Variants in PCDHGB5 observed in about 807,000 individuals in gnomAD.
PCDHGB5 encodes the protein protocadherin gamma-B5.
Under a neutral mutation model 62.9 loss-of-function variants are expected in PCDHGB5, and 48 were observed. That is an observed-to-expected ratio of 0.76 (90% confidence interval 0.61 to 0.97). The LOEUF is 0.97. Ranked by LOEUF, PCDHGB5 falls within the 50% of genes least tolerant of loss-of-function variation. The pLI is 0.00. For missense variants in PCDHGB5, 1,118 were observed against 1,198.6 expected (o/e 0.93, Z 0.99); for synonymous variants, 474 against 511.2 (o/e 0.93, Z 0.98).
In PCDHGB5 at chr5:141,432,171, T is replaced by C. The variant is rs114326665; in HGVS notation, c.2397+31647T>C. On this transcript the variant is annotated intron_variant, in intron 1 of 3. Coordinates refer to ENST00000617380, the MANE Select transcript of PCDHGB5 (RefSeq NM_018925.3). This position sits in a 1 kb window ranked among gnomAD's most constrained non-coding sequence, Gnocchi z 6.0. ...GAGAACAATCCCAGAGGAGTTTCCC[T>C]CGTCTCTGTGACCGCCCACGACCCC... The C allele has an allele frequency of 4.4e-5, 71 of 1,614,046 alleles. No individual in the cohort carries two copies. In the African/African-American group the frequency reaches 8.5e-4, roughly 19 times the overall value.
intron 1 of PCDHGB5, among the ~76,000 whole-genome samples, chr5:141,492,170 C>A (rs1383768075): frequency 6.6e-6 from 1 of 152,226 alleles, no homozygotes; most frequent in Non-Finnish European, 1.5e-5. Context: ...ATCCCCGCAT[C>A]ACCCAACCGC....
chr5:141,422,580 C>T (rs1310564205), intron 1 of PCDHGB5: 10 of 1,613,934 alleles, frequency 6.2e-6, no homozygotes, highest in Non-Finnish European at 8.5e-6. Flanking sequence ...ATAACCCTCC[C>T]GTTTTTCCTC....
At chr5:141,459,694 T>A (rs767389870) in intron 1 of PCDHGB5, among the ~76,000 whole-genome samples, 1 of 152,252 alleles carries the variant, frequency 6.6e-6, no homozygotes, top group Non-Finnish European at 1.5e-5. Context: ...AGCGTTCCGC[T>A]TGCTACATTT....
At chr5:141,450,829 ATT>A (rs373424450) in intron 1 of PCDHGB5, among the ~76,000 whole-genome samples, 3 of 135,116 alleles carry the variant, frequency 2.2e-5, no homozygotes, top group African/African-American at 2.7e-5. Flanking sequence ...TATTATTATT[ATT>A]TTTTTTTTTT....
In PCDHGB5 at chr5:141,432,446, C is replaced by T. The variant is rs765059815; in HGVS notation, c.2397+31922C>T. The T allele has an allele frequency of 1.2e-6, 2 of 1,614,256 alleles. No individual in the cohort carries two copies. Among genetic ancestry groups the T allele is most frequent in the Non-Finnish European group, 8.5e-7 (1 of 1,180,052 alleles). On this transcript the variant is annotated intron_variant, in intron 1 of 3. Transcript: ENST00000617380. The surrounding 1 kb of genome is among the most constrained non-coding windows in gnomAD (Gnocchi z 6.0). ...CCAGAACGACAATGCGCCCGAGATC[C>T]TGTACCCCGCCCTCCCCACGGACGG...
chr5:141,428,190 T>C (rs1348507135), intron 1 of PCDHGB5: 2 of 1,429,918 alleles, frequency 1.4e-6, no homozygotes, highest in Non-Finnish European at 1.9e-6. Flanking sequence ...CAGCCGCCGC[T>C]CTCTGCGCCG....
chr5:141,410,287 C>T (rs1277233674), intron 1 of PCDHGB5: 1 of 1,614,018 alleles, frequency 6.2e-7, no homozygotes, highest in East Asian at 2.2e-5. Context: ...TGGTGGTGGC[C>T]TTGGCCTTAA....
rs746088761 is a variant in PCDHGB5 at position 141,404,246 on chromosome 5, CT to C, written c.2397+3723del. 9.3e-6 allele frequency: 15 copies of C among 1,613,922 alleles called. 1 individual carries two copies. The highest frequency in any genetic ancestry group is 5.0e-5 in the Admixed American group (3 of 60,012). Reference sequence around the variant, plus strand: ...TGCAACAGACAGAGGAACTCCGCCCCTGTCCACAGAAATTCACATCACCCTG... The same window carrying C: ...TGCAACAGACAGAGGAACTCCGCCCCGTCCACAGAAATTCACATCACCCTG... On this transcript the variant is annotated intron_variant, in intron 1 of 3. Coordinates refer to ENST00000617380, the MANE Select transcript of PCDHGB5 (RefSeq NM_018925.3).
At position 141,404,169 on chromosome 5, in the gene PCDHGB5, C is replaced by A; in HGVS notation, c.2397+3645C>A. On this transcript the variant is annotated intron_variant, in intron 1 of 3. Transcript: ENST00000617380. Reference sequence around the variant, plus strand: ...GAAGAAGATTATTACAGATTGTTGACGGCCCAAATTCTTGACCGAGAAAAA... The same window carrying A: ...GAAGAAGATTATTACAGATTGTTGAAGGCCCAAATTCTTGACCGAGAAAAA... 1 of 1,612,736 alleles carries A rather than the reference C, an allele frequency of 6.2e-7. No individual in the cohort carries two copies. The highest frequency in any genetic ancestry group is 8.5e-7 in the Non-Finnish European group (1 of 1,179,276).
In PCDHGB5 at chr5:141,433,837, CA is replaced by C. The variant is rs56191208; in HGVS notation, c.2397+33331del. ...GGGCAACAAGAGTGAAACTCTATCT[CA>C]AAAAAAAAAAAAAAAAACTTTATCC... On this transcript the variant is annotated intron_variant, in intron 1 of 3. Coordinates refer to ENST00000617380, the MANE Select transcript of PCDHGB5 (RefSeq NM_018925.3). Among the ~76,000 whole-genome samples, 895 of 111,670 alleles carry C rather than the reference CA, an allele frequency of 8.0e-3. 6 individuals carry two copies. Among genetic ancestry groups the C allele is most frequent in the South Asian group, 0.02 (67 of 3,288 alleles). The allele number at this position is 111,670 out of a possible 152,430, so 73.3% of individuals were successfully genotyped here. A position where few individuals can be genotyped will look rare whatever the true frequency, so the allele number is the denominator to read the frequency against.
Position 141,486,690 on chromosome 5 carries a change from C to G in PCDHGB5, c.2398-8117C>G. ...AGGAATCGAGATGTATCAGCTTCCTCTTTCATCTCTCTGAACCCCCAGACA... is the reference window on the plus strand; with the variant it reads ...AGGAATCGAGATGTATCAGCTTCCTGTTTCATCTCTCTGAACCCCCAGACA... On this transcript the variant is annotated intron_variant, in intron 1 of 3. Coordinates refer to ENST00000617380, the MANE Select transcript of PCDHGB5 (RefSeq NM_018925.3). The surrounding 1 kb of genome is among the most constrained non-coding windows in gnomAD (Gnocchi z 5.0). 3 of 1,614,144 alleles carry G rather than the reference C, an allele frequency of 1.9e-6. No individual in the cohort carries two copies. The highest frequency in any genetic ancestry group is 2.5e-6 in the Non-Finnish European group (3 of 1,180,036).
intron 1 of PCDHGB5, chr5:141,404,714 G>A: frequency 3.1e-6 from 5 of 1,614,068 alleles, no homozygotes; most frequent in Non-Finnish European, 4.2e-6. Flanking sequence ...TGGCTACCTG[G>A]TGACCAAGGT....
Position 141,491,793 on chromosome 5 carries a change from C to T in PCDHGB5, c.2398-3014C>T, listed in dbSNP as rs2099730341. 4.0e-6 allele frequency: 6 copies of T among 1,511,410 alleles called. No individual in the cohort carries two copies. Among genetic ancestry groups the T allele is most frequent in the East Asian group, 2.5e-5 (1 of 40,660 alleles). The allele number at this position is 1,511,410 out of a possible 1,614,324, so 93.6% of individuals were successfully genotyped here. A position where few individuals can be genotyped will look rare whatever the true frequency, so the allele number is the denominator to read the frequency against. On this transcript the variant is annotated intron_variant, in intron 1 of 3. Transcript: ENST00000617380. This position sits in a 1 kb window ranked among gnomAD's most constrained non-coding sequence, Gnocchi z 6.9. ...AGGGATTGAACTTGCATCCACTCCT[C>T]TCCGGCCGGCTTGGTCGCTGGCTGC...
Position 141,502,395 on chromosome 5 carries a change from G to A in PCDHGB5, c.2457-2998G>A, listed in dbSNP as rs115188718. The stretch of plus-strand genomic sequence containing the variant: ...GTCCAGGCCAGTTGTACTTTAAAAT[G>A]TCCCCGAACCTGGATTTGCTGGCTA... On this transcript the variant is annotated intron_variant, in intron 2 of 3. Transcript: ENST00000617380. Among the ~76,000 whole-genome samples, 610 of 151,894 alleles carry A rather than the reference G, an allele frequency of 4.0e-3. 3 individuals carry two copies. Among genetic ancestry groups the A allele is most frequent in the African/African-American group, 0.013 (553 of 41,410 alleles).
chr5:141,431,502 G>A lies in PCDHGB5; in HGVS notation c.2397+30978G>A, dbSNP rs749812839. ...CCAGCGTTTGCTCAGCCCGAGTACC[G>A]CGCGAGCGTTCCGGAGAATCTGGCC... On this transcript the variant is annotated intron_variant, in intron 1 of 3. Coordinates refer to ENST00000617380, the MANE Select transcript of PCDHGB5 (RefSeq NM_018925.3). This position sits in a 1 kb window ranked among gnomAD's most constrained non-coding sequence, Gnocchi z 4.8. 6 of 1,614,008 alleles carry A rather than the reference G, an allele frequency of 3.7e-6. No homozygotes were observed. In the East Asian group the frequency reaches 6.7e-5, roughly 18 times the overall value.
At position 141,405,128 on chromosome 5, in the gene PCDHGB5, C is replaced by T. The variant is rs373084923; in HGVS notation, c.2397+4604C>T. On this transcript the variant is annotated intron_variant, in intron 1 of 3. Transcript: ENST00000617380. ...GCACTGGCACTCCTCGCATCTGCTG[C>T]GGGCTACCAGTGATGGGTTGGCTGG... is the stretch of plus-strand genomic sequence containing the variant. The T allele has an allele frequency of 4.8e-5, 78 of 1,614,002 alleles. No individual in the cohort carries two copies. The highest frequency in any genetic ancestry group is 2.8e-4 in the African/African-American group (21 of 75,052).
intron 1 of PCDHGB5, chr5:141,410,843 C>CTT: frequency 4.6e-6 from 1 of 216,280 alleles, no homozygotes; most frequent in South Asian, 8.0e-5. Flanking sequence ...GATATTTTGT[C>CTT]TTTGTCTTTT....
Position 141,485,342 on chromosome 5 carries a change from G to C in PCDHGB5, c.2398-9465G>C. 1.2e-6 allele frequency: 2 copies of C among 1,614,164 alleles called. No individual in the cohort carries two copies. Among genetic ancestry groups the C allele is most frequent in the Non-Finnish European group, 1.7e-6 (2 of 1,180,026 alleles). On this transcript the variant is annotated intron_variant, in intron 1 of 3. Coordinates refer to ENST00000617380, the MANE Select transcript of PCDHGB5 (RefSeq NM_018925.3). The surrounding 1 kb of genome is among the most constrained non-coding windows in gnomAD (Gnocchi z 5.7). The stretch of plus-strand genomic sequence containing the variant: ...CGCTCAAGATTTCCTGCTGGATACG[G>C]ACAGTCTGTCAGCTCGCAGGCTGCA...
At position 141,431,335 on chromosome 5, in the gene PCDHGB5, C is replaced by A. The variant is rs747132346; in HGVS notation, c.2397+30811C>A. On this transcript the variant is annotated intron_variant, in intron 1 of 3. Transcript: ENST00000617380. This position sits in a 1 kb window ranked among gnomAD's most constrained non-coding sequence, Gnocchi z 4.8. ...ATGGAGCCGACGGTAGTAAGTACCCCGAATTGGTGCTGAAACGCGCCCTGG... is the reference window on the plus strand; with the variant it reads ...ATGGAGCCGACGGTAGTAAGTACCCAGAATTGGTGCTGAAACGCGCCCTGG... 11 of 1,613,944 alleles carry A rather than the reference C, an allele frequency of 6.8e-6. No homozygotes were observed. The Admixed American group carries it at 1.5e-4, about 22-fold the overall frequency.
Sources: gnomAD v4.1 joint callset for allele counts (sites outside exome capture counted in the v4.1 genomes callset) on GRCh38, gnomAD v4.1.1 for gene constraint, Gnocchi (gnomAD v3.1) non-coding constraint, MANE v1.5 for transcripts, NCBI Gene and HGNC (gene_info 2026-07-23, HGNC 2026-07-21) for gene names.